The following TMEM178B variants were observed in gnomAD, a reference collection of about 807,000 sequenced individuals.
TMEM178B encodes the protein transmembrane protein 178B.
Under a neutral mutation model 31.0 loss-of-function variants are expected in TMEM178B, and 5 were observed. The ratio of observed to expected loss-of-function variants is 0.16; its 90% confidence interval spans 0.08 to 0.34. The LOEUF is 0.34. Ranked by LOEUF, TMEM178B falls within the 10% of genes least tolerant of loss-of-function variation. The probability of loss-of-function intolerance (pLI) is 1.00; values close to 1 mark genes in which losing one functional copy is unlikely to be tolerated. For missense variants in TMEM178B, 275 were observed against 400.3 expected (o/e 0.69, Z 2.67); for synonymous variants, 164 against 164.0 (o/e 1.00, Z 0.00).
chr7:141,212,652 C>T lies in TMEM178B; in HGVS notation c.444C>T (p.Asn148=). 1 of 1,536,104 alleles carries T rather than the reference C, an allele frequency of 6.5e-7. No homozygotes were observed. Among genetic ancestry groups the T allele is most frequent in the Non-Finnish European group, 8.7e-7 (1 of 1,146,898 alleles). ...YHYSSATIPR[N]LTFNITKTIR... is the part of the protein sequence containing the mutation. Reference sequence around the variant, plus strand: ...ACTCCTCAGCAACCATCCCCAGGAACCTCACTTTCAATATCACGAAGACCA... The same window carrying T: ...ACTCCTCAGCAACCATCCCCAGGAATCTCACTTTCAATATCACGAAGACCA... The change falls in exon 2 of 4, where the codon AAC becomes AAT. Residue 148 remains asparagine, a synonymous_variant. Transcript: ENST00000565468.
chr7:141,194,177 C>T (rs1796743007), intron 1 of TMEM178B, among the ~76,000 whole-genome samples: 1 of 152,158 alleles, frequency 6.6e-6, no homozygotes. Flanking sequence ...CTTCAAATCT[C>T]ATGTCCTCAC....
intron 2 of TMEM178B, among the ~76,000 whole-genome samples, chr7:141,417,673 T>C (rs1801124927): frequency 6.6e-6 from 1 of 152,222 alleles, no homozygotes; most frequent in Admixed American, 6.5e-5. Context: ...CCTAGCAAGC[T>C]GTGTTCTCTC....
At chr7:141,370,795 A>G (rs1800101790) in intron 2 of TMEM178B, among the ~76,000 whole-genome samples, 1 of 152,250 alleles carries the variant, frequency 6.6e-6, no homozygotes, top group Non-Finnish European at 1.5e-5. Context: ...CACATGGCAA[A>G]TGCAGAGGAT....
At chr7:141,300,179 C>T (rs1215455201) in intron 2 of TMEM178B, among the ~76,000 whole-genome samples, 3 of 152,184 alleles carry the variant, frequency 2.0e-5, no homozygotes, top group Non-Finnish European at 2.9e-5. Context: ...GGAGGAGCCA[C>T]GTGGTGGCTG....
intron 3 of TMEM178B, among the ~76,000 whole-genome samples, chr7:141,466,073 G>A (rs1309381885): frequency 1.3e-5 from 2 of 152,140 alleles, no homozygotes; most frequent in African/African-American, 4.8e-5. Flanking sequence ...ACAGAAAACA[G>A]TAGCATATAT....
chr7:141,114,300 T>G (rs981765069), intron 1 of TMEM178B, among the ~76,000 whole-genome samples: 2 of 152,266 alleles, frequency 1.3e-5, no homozygotes, highest in Non-Finnish European at 2.9e-5. Context: ...TCTCTTCAGC[T>G]GCACTGTATA....
downstream of TMEM178B, among the ~76,000 whole-genome samples, chr7:141,483,987 C>T (rs1487813394): frequency 2.0e-5 from 3 of 152,114 alleles, no homozygotes; most frequent in Non-Finnish European, 2.9e-5. Context: ...CCACACGTCT[C>T]GGCCTCCCAA....
Position 141,074,801 on chromosome 7 carries a change from A to G in TMEM178B, c.382+109A>G. 2 of 1,401,564 alleles carry G rather than the reference A, an allele frequency of 1.4e-6. No homozygotes were observed. The highest frequency in any genetic ancestry group is 2.5e-5 in the East Asian group (1 of 39,720). 86.8% of individuals were successfully genotyped at this position (1,401,564 alleles called of 1,614,324 possible). ...ACAGGCTATCAGGTCTCTGGGTTCC[A>G]GGCGGTCCGGTTATCCAGGCCTGGC... On this transcript the variant is annotated intron_variant, in intron 1 of 3. Transcript: ENST00000565468. This position sits in a 1 kb window ranked among gnomAD's most constrained non-coding sequence, Gnocchi z 5.1.
At chr7:141,191,075 G>A (rs961786898) in intron 1 of TMEM178B, among the ~76,000 whole-genome samples, 2 of 152,154 alleles carry the variant, frequency 1.3e-5, no homozygotes, top group Admixed American at 6.5e-5. Flanking sequence ...ACATCATTTC[G>A]CTTAAAGCCA....
intron 1 of TMEM178B, among the ~76,000 whole-genome samples, chr7:141,141,521 A>G (rs1795767574): frequency 6.6e-6 from 1 of 152,184 alleles, no homozygotes; most frequent in South Asian, 2.1e-4. Context: ...TAAATTATAC[A>G]GTATGTTATG....
intron 1 of TMEM178B, among the ~76,000 whole-genome samples, chr7:141,124,645 C>G (rs566451572): frequency 6.6e-6 from 1 of 152,142 alleles, no homozygotes; most frequent in African/African-American, 2.4e-5. Flanking sequence ...ATTTTGTTTC[C>G]CCAGCACCTA....
intron 1 of TMEM178B, among the ~76,000 whole-genome samples, chr7:141,162,134 T>TC (rs1406883868): frequency 6.6e-6 from 1 of 152,162 alleles, no homozygotes; most frequent in Non-Finnish European, 1.5e-5. Context: ...ATTCCCCGTT[T>TC]CCCCACAGGA....
intron 3 of TMEM178B, among the ~76,000 whole-genome samples, chr7:141,443,727 C>T (rs990680974): frequency 3.9e-5 from 6 of 152,158 alleles, no homozygotes; most frequent in East Asian, 1.9e-4. Context: ...AGGAATGGGG[C>T]GTGAAGATGG....
intron 2 of TMEM178B, among the ~76,000 whole-genome samples, chr7:141,398,327 T>C (rs1413894792): frequency 6.6e-6 from 1 of 152,166 alleles, no homozygotes; most frequent in East Asian, 1.9e-4. Context: ...ACCTTGGACA[T>C]CTGGGAACAT....
At chr7:141,138,779 G>A (rs1359473912) in intron 1 of TMEM178B, among the ~76,000 whole-genome samples, 5 of 151,708 alleles carry the variant, frequency 3.3e-5, no homozygotes, top group South Asian at 2.1e-4. Flanking sequence ...TCAGGAGACC[G>A]AGACCATCCT....
the TMEM178B span, among the ~76,000 whole-genome samples, chr7:141,493,014 G>A: frequency 6.6e-6 from 1 of 152,112 alleles, no homozygotes; most frequent in Admixed American, 6.5e-5. Flanking sequence ...GAAATGTAAT[G>A]GAAATTGCCA....
intron 1 of TMEM178B, among the ~76,000 whole-genome samples, chr7:141,151,528 G>C (rs1795972967): frequency 1.3e-5 from 2 of 152,190 alleles, no homozygotes; most frequent in African/African-American, 4.8e-5. Flanking sequence ...GCTAGGTCCA[G>C]ATTGTAGGAT....
intron 2 of TMEM178B, among the ~76,000 whole-genome samples, chr7:141,398,483 T>C (rs1291083312): frequency 6.6e-6 from 1 of 152,066 alleles, no homozygotes; most frequent in Admixed American, 6.5e-5. Context: ...GAACAGCACA[T>C]CCCCTCCTCT....
At chr7:141,144,156 G>A (rs1795816541) in intron 1 of TMEM178B, among the ~76,000 whole-genome samples, 1 of 152,106 alleles carries the variant, frequency 6.6e-6, no homozygotes, top group Non-Finnish European at 1.5e-5. Flanking sequence ...TAGAATCATA[G>A]CGTCAGTAAA....
Sources: gnomAD v4.1 joint callset for allele counts (sites outside exome capture counted in the v4.1 genomes callset) on GRCh38, gnomAD v4.1.1 for gene constraint, Gnocchi (gnomAD v3.1) non-coding constraint, MANE v1.5 for transcripts, NCBI Gene and HGNC (gene_info 2026-07-23, HGNC 2026-07-21) for gene names.